The following BCL2L14 variants were observed in gnomAD, a reference collection of about 807,000 sequenced individuals.
The protein encoded by BCL2L14 is apoptosis facilitator Bcl-2-like protein 14.
BCL2L14 carries 27 observed loss-of-function variants against 35.3 expected under a neutral mutation model. The observed-to-expected ratio is 0.76, with a 90% CI of 0.56 to 1.05. BCL2L14 has a LOEUF of 1.05. Ranked by LOEUF, BCL2L14 falls within the 50% of genes least tolerant of loss-of-function variation. The pLI is 0.00. For missense variants in BCL2L14, 377 were observed against 382.6 expected, an observed-to-expected ratio of 0.99 and a Z score of 0.12; for synonymous variants, 139 against 145.9, an observed-to-expected ratio of 0.95 and a Z score of 0.34.
chr12:12,095,257 C>T (rs2136784203), intron 5 of BCL2L14: 3 of 985,304 alleles, frequency 3.0e-6, no homozygotes, highest in East Asian at 1.1e-4. Context: ...ATTTTGCAGG[C>T]AACGGAAGTC....
chr12:12,062,565 C>T (rs372248650), intron 2 of BCL2L14, among the ~76,000 whole-genome samples: 65 of 149,642 alleles, frequency 4.3e-4, no homozygotes, highest in African/African-American at 7.4e-4. Flanking sequence ...CCCTTCCCTA[C>T]ACATCAAGCT....
intron 4 of BCL2L14, among the ~76,000 whole-genome samples, chr12:12,092,759 CAG>C (rs1949218175): frequency 6.6e-6 from 1 of 152,140 alleles, no homozygotes; most frequent in Admixed American, 6.5e-5. Flanking sequence ...ATGCCTCCTG[CAG>C]AGTCACAACC....
intron 2 of BCL2L14, among the ~76,000 whole-genome samples, chr12:12,083,580 T>C (rs1948975082): frequency 6.6e-6 from 1 of 152,178 alleles, no homozygotes; most frequent in Admixed American, 6.5e-5. Context: ...GGTTTGCTTT[T>C]CTCTCCTTTA....
upstream of BCL2L14, among the ~76,000 whole-genome samples, chr12:12,068,907 A>C (rs1476569794): frequency 1.3e-5 from 2 of 152,194 alleles, no homozygotes; most frequent in East Asian, 3.8e-4. Flanking sequence ...ATCATATGCT[A>C]AACAAAAAGT....
At chr12:12,068,737 C>T (rs905313328), upstream of BCL2L14, among the ~76,000 whole-genome samples, 2 of 151,860 alleles carry the variant, frequency 1.3e-5, no homozygotes, top group Non-Finnish European at 2.9e-5. Context: ...GTCTGGGAGG[C>T]CACATGGGTT....
chr12:12,077,431 GC>G (rs1463486982), intron 1 of BCL2L14, among the ~76,000 whole-genome samples: 6 of 151,528 alleles, frequency 4.0e-5, no homozygotes, highest in Non-Finnish European at 7.4e-5. Context: ...TGTGTTCCCA[GC>G]TACTTGAGGG....
intron 5 of BCL2L14, among the ~76,000 whole-genome samples, chr12:12,098,133 G>A (rs935836329): frequency 2.0e-5 from 3 of 152,130 alleles, no homozygotes; most frequent in African/African-American, 2.4e-5. Context: ...GTGGATTGGG[G>A]CGTGTGCTCA....
chr12:12,098,984 A>G lies in BCL2L14; in HGVS notation c.980A>G (p.Asp327Gly). ...KILGISHEEVD is the reference protein window; with the variant it reads ...KILGISHEEVG Reference sequence around the variant, plus strand: ...CTTGGGATATCACATGAAGAAGTAGACTGAAATATCAGATTTGTCATCAGG... The same window carrying G: ...CTTGGGATATCACATGAAGAAGTAGGCTGAAATATCAGATTTGTCATCAGG... Residue 327 changes from aspartate to glycine, a missense_variant, in exon 6 of 6, where the codon GAC becomes GGC. Physicochemically the swap from Asp to Gly is moderately conservative, Grantham distance 94. Transcript: ENST00000308721. 1 of 1,601,598 alleles carries G rather than the reference A, an allele frequency of 6.2e-7. No homozygotes were observed. Among genetic ancestry groups the G allele is most frequent in the Non-Finnish European group, 8.6e-7 (1 of 1,168,518 alleles).
chr12:12,051,157 G>A (rs1948353126), intron 1 of BCL2L14, among the ~76,000 whole-genome samples: 1 of 152,158 alleles, frequency 6.6e-6, no homozygotes, highest in African/African-American at 2.4e-5. Flanking sequence ...GAGTGAGGGA[G>A]GGGTTAATAA....
intron 2 of BCL2L14, among the ~76,000 whole-genome samples, chr12:12,056,741 G>A (rs1565437869): frequency 6.6e-6 from 1 of 152,184 alleles, no homozygotes; most frequent in African/African-American, 2.4e-5. Context: ...GCTGAGGCAG[G>A]AAAATCGCTT....
At chr12:12,086,788 A>G (rs1303821907) in intron 2 of BCL2L14, among the ~76,000 whole-genome samples, 1 of 152,224 alleles carries the variant, frequency 6.6e-6, no homozygotes, top group Non-Finnish European at 1.5e-5. Flanking sequence ...ATGCTTGTCA[A>G]ATTATCGAAT....
intron 1 of BCL2L14, chr12:12,071,609 C>T (rs2287154): frequency 0.24 from 36,588 of 151,940 alleles, 4,628 homozygotes; most frequent in South Asian, 0.34. Context: ...GGCACTCATC[C>T]GCAGGAGGTC....
upstream of BCL2L14, among the ~76,000 whole-genome samples, chr12:12,068,925 T>C (rs1423949293): frequency 6.6e-6 from 1 of 152,156 alleles, no homozygotes; most frequent in Non-Finnish European, 1.5e-5. Flanking sequence ...AGTGAATTAT[T>C]CGTGAGTTTT....
chr12:12,062,205 A>C (rs1948536278), intron 2 of BCL2L14, among the ~76,000 whole-genome samples: 1 of 151,040 alleles, frequency 6.6e-6, no homozygotes, highest in South Asian at 2.1e-4. Context: ...TAAGTCCCAC[A>C]ATTACCATTG....
intron 2 of BCL2L14, among the ~76,000 whole-genome samples, chr12:12,060,104 C>G (rs1415207408): frequency 6.6e-6 from 1 of 151,446 alleles, no homozygotes; most frequent in African/African-American, 2.4e-5. Context: ...AGCTAGGTCG[C>G]AATTCTTCCT....
intron 1 of BCL2L14, among the ~76,000 whole-genome samples, chr12:12,078,728 C>G (rs966598101): frequency 1.3e-5 from 2 of 152,202 alleles, no homozygotes; most frequent in East Asian, 3.8e-4. Flanking sequence ...CTCACCTATC[C>G]CTGCCTTCTA....
chr12:12,057,996 G>A (rs1312773266), intron 2 of BCL2L14, among the ~76,000 whole-genome samples: 2 of 150,180 alleles, frequency 1.3e-5, no homozygotes, highest in African/African-American at 2.5e-5. Flanking sequence ...CCAGGCTGGA[G>A]GAGTACAGTG....
At chr12:12,084,955 G>A (rs1420680025) in intron 2 of BCL2L14, among the ~76,000 whole-genome samples, 2 of 151,154 alleles carry the variant, frequency 1.3e-5, no homozygotes, top group Non-Finnish European at 3.0e-5. Flanking sequence ...GAGCCACTAC[G>A]TCCTGTAATC....
In BCL2L14 at chr12:12,081,628, G is replaced by C. The variant is rs189688761; in HGVS notation, c.433+1890G>C. ...GGCTGGAGTGCTGTGGTGTAATCTC[G>C]GCTCACTGCAAGCTCCGCCTCCCAG... On this transcript the variant is annotated intron_variant, in intron 2 of 5. Coordinates refer to ENST00000308721, the MANE Select transcript of BCL2L14 (RefSeq NM_138723.2). Among the ~76,000 whole-genome samples, 25 of 150,742 alleles carry C rather than the reference G, an allele frequency of 1.7e-4. No individual in the cohort carries two copies. The East Asian group carries it at 4.5e-3, about 27-fold the overall frequency.
Sources: gnomAD v4.1 joint callset for allele counts (sites outside exome capture counted in the v4.1 genomes callset) on GRCh38, gnomAD v4.1.1 for gene constraint, MANE v1.5 for transcripts, NCBI Gene and HGNC (gene_info 2026-07-23, HGNC 2026-07-21) for gene names.